The following RAB27B variants were observed in gnomAD, a reference collection of about 807,000 sequenced individuals.
The protein encoded by RAB27B is ras-related protein Rab-27B.
RAB27B carries 15 observed loss-of-function variants against 24.6 expected under a neutral mutation model. That is an observed-to-expected ratio of 0.61 (90% CI 0.41 to 0.94). The LOEUF (loss-of-function observed/expected upper bound fraction) is 0.94. Ranked by LOEUF, RAB27B falls within the 40% of genes least tolerant of loss-of-function variation. The pLI is 0.00. For synonymous variants in RAB27B, 105 were observed against 92.5 expected, an observed-to-expected ratio of 1.14 and a Z score of -0.78; for missense variants, 261 against 266.8, an observed-to-expected ratio of 0.98 and a Z score of 0.15.
intron 2 of RAB27B, among the ~76,000 whole-genome samples, chr18:54,747,870 G>A (rs903253521): frequency 4.6e-5 from 7 of 152,154 alleles, no homozygotes; most frequent in Non-Finnish European, 2.9e-5. Context: ...TACTTTGGGA[G>A]ACCAAGGAAG....
chr18:54,739,183 G>T (rs956928824), intron 2 of RAB27B, among the ~76,000 whole-genome samples: 1 of 152,090 alleles, frequency 6.6e-6, no homozygotes, highest in Non-Finnish European at 1.5e-5. Context: ...GGCCAGGTGT[G>T]GTGGCTCATG....
chr18:54,863,620 C>G (rs1912092706), intron 1 of RAB27B, among the ~76,000 whole-genome samples: 1 of 152,060 alleles, frequency 6.6e-6, no homozygotes, highest in Admixed American at 6.5e-5. Context: ...AAATCCAGAA[C>G]ACGTTCACCC....
intron 2 of RAB27B, among the ~76,000 whole-genome samples, chr18:54,724,040 TA>T (rs1165276880): frequency 6.6e-6 from 1 of 151,976 alleles, no homozygotes; most frequent in Non-Finnish European, 1.5e-5. Context: ...CATACTTTTA[TA>T]AATTCATATT....
chr18:54,728,293 C>T (rs1467213334), intron 2 of RAB27B, among the ~76,000 whole-genome samples: 1 of 152,054 alleles, frequency 6.6e-6, no homozygotes, highest in Non-Finnish European at 1.5e-5. Context: ...AACTAGCAGC[C>T]CTCCCCTCCC....
At chr18:54,888,357 A>G (rs969742882) in intron 5 of RAB27B, among the ~76,000 whole-genome samples, 3 of 152,160 alleles carry the variant, frequency 2.0e-5, no homozygotes, top group Non-Finnish European at 2.9e-5. Context: ...ACTCATTTTA[A>G]CCCATCATAA....
chr18:54,837,775 A>G (rs1251431843), intron 1 of RAB27B, among the ~76,000 whole-genome samples: 1 of 152,158 alleles, frequency 6.6e-6, no homozygotes, highest in Non-Finnish European at 1.5e-5. Context: ...TATATATCTA[A>G]TTATATATAT....
intron 2 of RAB27B, among the ~76,000 whole-genome samples, chr18:54,733,036 T>G (rs547471606): frequency 6.6e-6 from 1 of 152,246 alleles, no homozygotes; most frequent in Admixed American, 6.5e-5. Flanking sequence ...GTTTTGTAAA[T>G]GAAGTCTTTT....
chr18:54,807,489 T>A (rs1232927810), intron 2 of RAB27B, among the ~76,000 whole-genome samples: 3 of 152,164 alleles, frequency 2.0e-5, no homozygotes, highest in African/African-American at 7.2e-5. Context: ...TTTACAGGAT[T>A]GAACATGATA....
In RAB27B at chr18:54,877,611, T is replaced by A; in HGVS notation, c.26T>A (p.Leu9Gln). ...ATGACCGATGGAGACTATGATTATC[T>A]GATCAAACTCCTGGCCCTCGGGGAT... Reference protein sequence around the residue: MTDGDYDYLIKLLALGDSG... With the variant: MTDGDYDYQIKLLALGDSG... Residue 9 changes from leucine to glutamine, a missense_variant, in exon 2 of 6, where the codon CTG becomes CAG. Transcript: ENST00000262094. 6.3e-7 allele frequency: 1 copy of A among 1,578,622 alleles called. No homozygotes were observed. The highest frequency in any genetic ancestry group is 2.0e-5 in the Admixed American group (1 of 50,186).
At chr18:54,756,646 C>A (rs1285834502) in intron 2 of RAB27B, among the ~76,000 whole-genome samples, 2 of 152,048 alleles carry the variant, frequency 1.3e-5, no homozygotes, top group Non-Finnish European at 2.9e-5. Flanking sequence ...TGAGTCTGGG[C>A]AGGGCTAGCA....
intron 2 of RAB27B, among the ~76,000 whole-genome samples, chr18:54,724,695 A>G (rs1171656071): frequency 6.6e-6 from 1 of 151,470 alleles, no homozygotes; most frequent in Non-Finnish European, 1.5e-5. Flanking sequence ...GGTATCAAAA[A>G]CAAAAACAAA....
intron 2 of RAB27B, among the ~76,000 whole-genome samples, chr18:54,724,005 G>C (rs938361879): frequency 7.0e-6 from 1 of 143,844 alleles, no homozygotes; most frequent in Non-Finnish European, 1.6e-5. Context: ...TGGCATAGTG[G>C]CCAAAATGTG....
At chr18:54,820,006 A>G (rs190585044) in intron 2 of RAB27B, among the ~76,000 whole-genome samples, 5 of 152,180 alleles carry the variant, frequency 3.3e-5, no homozygotes, top group African/African-American at 1.2e-4. Context: ...CATTTTCTTA[A>G]GCCAGTCTAT....
chr18:54,779,543 C>G (rs1471978112), intron 2 of RAB27B, among the ~76,000 whole-genome samples: 4 of 151,608 alleles, frequency 2.6e-5, no homozygotes, highest in Non-Finnish European at 4.4e-5. Flanking sequence ...TGACCAAACT[C>G]AAGTGCAGCA....
In RAB27B at chr18:54,804,918, CTT is replaced by C. The variant is rs1360758241; in HGVS notation, c.-19-72647_-19-72646del. Among the ~76,000 whole-genome samples, 85 of 68,378 alleles carry C rather than the reference CTT, an allele frequency of 1.2e-3. 4 individuals carry two copies. In the East Asian group the frequency reaches 0.013, roughly 10 times the overall value. The allele number at this position is 68,378 out of a possible 152,430, so 44.9% of individuals were successfully genotyped here. ...TCTTTCTCTCTCTCTTTCTTTCTTTCTTTCTTTCTTTCTTTCTTTCTTTCTTT... is the reference window on the plus strand; with the variant it reads ...TCTTTCTCTCTCTCTTTCTTTCTTTCTCTTTCTTTCTTTCTTTCTTTCTTT... On this transcript the variant is annotated intron_variant, in intron 2 of 4. Coordinates refer to the RAB27B transcript ENST00000586570.
In RAB27B at chr18:54,894,638, A is replaced by T. The variant is rs61744737; in HGVS notation, c.*5225A>T. ...GAGTAGGTCATTAAATAGCTTAGTG[A>T]TTTATCCTCATATAGGGCTTATAAA... On this transcript the variant is annotated 3_prime_UTR_variant, in exon 6 of 6. Coordinates refer to ENST00000262094, the MANE Select transcript of RAB27B (RefSeq NM_004163.4). 2.0e-5 allele frequency: 3 copies of T among 152,162 alleles called. No individual in the cohort carries two copies. The highest frequency in any genetic ancestry group is 7.2e-5 in the African/African-American group (3 of 41,560). 9.4% of individuals were successfully genotyped at this position (152,162 alleles called of 1,614,324 possible).
In RAB27B at chr18:54,721,073, T is replaced by C. The variant is rs1312207221; in HGVS notation, c.-20+2932T>C. 2.0e-5 allele frequency among the ~76,000 whole-genome samples: 3 copies of C among 152,156 alleles called. No individual in the cohort carries two copies. The East Asian group carries it at 5.8e-4, about 29-fold the overall frequency. On this transcript the variant is annotated intron_variant, in intron 2 of 4. Transcript: ENST00000586570. ...AAAGGGAAAGTTATTATCCATCATA[T>C]AGTTTGGGAAGAAGTTTTTCTCCAG...
chr18:54,879,504 AC>A lies in RAB27B; in HGVS notation c.239+51del, dbSNP rs772983893. On this transcript the variant is annotated intron_variant, in intron 3 of 5. Transcript: ENST00000262094. ...GGCTACACATAGCTTAGAAAAACTT[AC>A]TTTAAAATGAATTCTGTATGTGAAC... 11 of 1,438,372 alleles carry A rather than the reference AC, an allele frequency of 7.6e-6. No individual in the cohort carries two copies. The African/African-American group carries it at 8.4e-5, about 11-fold the overall frequency. The allele number at this position is 1,438,372 out of a possible 1,614,324, so 89.1% of individuals were successfully genotyped here.
chr18:54,862,785 C>T (rs1568103162), intron 1 of RAB27B, among the ~76,000 whole-genome samples: 1 of 152,174 alleles, frequency 6.6e-6, no homozygotes, highest in Non-Finnish European at 1.5e-5. Flanking sequence ...GATCACCAAC[C>T]TGCGCTGCTG....
Sources: allele counts gnomAD v4.1 joint callset (sites outside exome capture counted in the v4.1 genomes callset), GRCh38; gene constraint gnomAD v4.1.1; transcripts MANE v1.5; gene names NCBI Gene and HGNC (gene_info 2026-07-23, HGNC 2026-07-21).